Variants in GRHL2 observed in about 807,000 individuals in gnomAD.
GRHL2 encodes the protein grainyhead-like protein 2 homolog.
GRHL2 carries 21 observed loss-of-function variants against 83.8 expected under a neutral mutation model. The observed-to-expected ratio is 0.25, with a 90% confidence interval of 0.18 to 0.36. The LOEUF is 0.36. Among genes scored for constraint, GRHL2 ranks in the 10% least tolerant of loss-of-function variants. The probability of loss-of-function intolerance (pLI) is 1.00; values close to 1 mark genes in which losing one functional copy is unlikely to be tolerated. For missense variants in GRHL2, 623 were observed against 781.8 expected (o/e 0.80, Z 2.42); for synonymous variants, 280 against 278.9 (o/e 1.00, Z -0.04).
intron 6 of GRHL2, among the ~76,000 whole-genome samples, chr8:101,575,586 A>G (rs1035364531): frequency 2.6e-5 from 4 of 152,176 alleles, no homozygotes; most frequent in Non-Finnish European, 5.9e-5. Context: ...ACAGTGTTTC[A>G]TTCCAAGTCA....
chr8:101,604,173 A>G (rs990366405), intron 8 of GRHL2, among the ~76,000 whole-genome samples: 1 of 152,184 alleles, frequency 6.6e-6, no homozygotes, highest in Non-Finnish European at 1.5e-5. Context: ...CCCATTTACA[A>G]GAATTTTTTA....
At chr8:101,588,072 T>C (rs542932556) in intron 7 of GRHL2, among the ~76,000 whole-genome samples, 9 of 152,334 alleles carry the variant, frequency 5.9e-5, no homozygotes, top group Non-Finnish European at 1.0e-4. Flanking sequence ...GGACCACCAC[T>C]AGTTTCTCTG....
intron 8 of GRHL2, among the ~76,000 whole-genome samples, chr8:101,602,167 T>A (rs1812529416): frequency 6.6e-6 from 1 of 151,932 alleles, no homozygotes; most frequent in African/African-American, 2.4e-5. Context: ...GCTGAGAGGA[T>A]TTTTTTTGTC....
chr8:101,601,765 A>G (rs1812519476), intron 8 of GRHL2, among the ~76,000 whole-genome samples: 1 of 152,170 alleles, frequency 6.6e-6, no homozygotes, highest in African/African-American at 2.4e-5. Context: ...AAAAGTTCCA[A>G]ATATTTTTCT....
At chr8:101,563,420 C>T (rs1232058851) in intron 4 of GRHL2, among the ~76,000 whole-genome samples, 1 of 151,982 alleles carries the variant, frequency 6.6e-6, no homozygotes, top group Non-Finnish European at 1.5e-5. Context: ...GGGACTGGCT[C>T]TCTGCAAAGT....
At chr8:101,601,637 T>C (rs1231143705) in intron 8 of GRHL2, among the ~76,000 whole-genome samples, 5 of 152,192 alleles carry the variant, frequency 3.3e-5, no homozygotes, top group African/African-American at 7.2e-5. Context: ...GTGGAGGATA[T>C]TTTATATTGC....
At chr8:101,546,531 A>T (rs502283) in intron 2 of GRHL2, among the ~76,000 whole-genome samples, 147,603 of 152,112 alleles carry the variant, frequency 0.97, 71,675 homozygotes, top group African/African-American at 0.98. Flanking sequence ...TGCCTCAGCC[A>T]CCCAGGTAGC....
intron 12 of GRHL2, among the ~76,000 whole-genome samples, chr8:101,640,075 C>G (rs1813369096): frequency 6.6e-6 from 1 of 152,232 alleles, no homozygotes; most frequent in African/African-American, 2.4e-5. Flanking sequence ...GTCTTTCAGA[C>G]AGCAGTTCTC....
chr8:101,627,329 A>T (rs1391031332), intron 9 of GRHL2, among the ~76,000 whole-genome samples: 1 of 151,944 alleles, frequency 6.6e-6, no homozygotes, highest in Non-Finnish European at 1.5e-5. Flanking sequence ...AAACATTTTC[A>T]TTATTATTAT....
chr8:101,497,211 G>C (rs1160194508), intron 1 of GRHL2, among the ~76,000 whole-genome samples: 2 of 152,174 alleles, frequency 1.3e-5, no homozygotes. Context: ...AAACTAAAGA[G>C]AGACAAAGTA....
At chr8:101,670,486 C>T (rs550307008), downstream of GRHL2, among the ~76,000 whole-genome samples, 5 of 152,358 alleles carry the variant, frequency 3.3e-5, no homozygotes, top group African/African-American at 1.2e-4. Context: ...AGACCAGGGA[C>T]TGGGAAGTGA....
At chr8:101,555,354 G>A (rs1811469422) in intron 3 of GRHL2, among the ~76,000 whole-genome samples, 1 of 151,878 alleles carries the variant, frequency 6.6e-6, no homozygotes, top group African/African-American at 2.4e-5. Context: ...GGAAATCCTG[G>A]GTTTTGACTA....
chr8:101,508,556 T>G (rs550560761), intron 1 of GRHL2, among the ~76,000 whole-genome samples: 5 of 152,154 alleles, frequency 3.3e-5, no homozygotes, highest in Non-Finnish European at 7.4e-5. Flanking sequence ...CCATGATCTC[T>G]TCTCTCAGTA....
intron 1 of GRHL2, chr8:101,528,945 A>C (rs1048298547): frequency 2.0e-5 from 6 of 294,482 alleles, no homozygotes; most frequent in African/African-American, 1.4e-4. Flanking sequence ...CAGTTTTCTT[A>C]CTTTACAAGC....
intron 7 of GRHL2, among the ~76,000 whole-genome samples, chr8:101,579,674 G>C (rs190149084): frequency 6.6e-6 from 1 of 152,142 alleles, no homozygotes; most frequent in Non-Finnish European, 1.5e-5. Flanking sequence ...TCATTCTTCT[G>C]CTAGATTAAA....
intron 14 of GRHL2, among the ~76,000 whole-genome samples, chr8:101,655,057 C>T (rs1813755476): frequency 6.6e-6 from 1 of 152,050 alleles, no homozygotes; most frequent in Non-Finnish European, 1.5e-5. Context: ...TGGTGCATGC[C>T]TGTAATGCCA....
chr8:101,593,782 C>G (rs1812332992), intron 7 of GRHL2, among the ~76,000 whole-genome samples: 1 of 152,032 alleles, frequency 6.6e-6, no homozygotes, highest in East Asian at 1.9e-4. Context: ...GAAGGGGGAA[C>G]AGGCTGGGCA....
intron 14 of GRHL2, among the ~76,000 whole-genome samples, chr8:101,661,684 A>C (rs1813925751): frequency 1.3e-5 from 2 of 152,194 alleles, no homozygotes; most frequent in African/African-American, 4.8e-5. Flanking sequence ...GGAGATACTG[A>C]GGGCCGACTG....
At chr8:101,552,495 T>C (rs140371447) in intron 2 of GRHL2, among the ~76,000 whole-genome samples, 3 of 152,370 alleles carry the variant, frequency 2.0e-5, no homozygotes, top group African/African-American at 4.8e-5. Flanking sequence ...CCGAATCATG[T>C]CTGTTGTGGC....
Sources: gnomAD v4.1 joint callset for allele counts (sites outside exome capture counted in the v4.1 genomes callset) on GRCh38, gnomAD v4.1.1 for gene constraint, MANE v1.5 for transcripts, NCBI Gene and HGNC (gene_info 2026-07-23, HGNC 2026-07-21) for gene names.